The following TMEM260 variants were observed in gnomAD, a reference collection of about 807,000 sequenced individuals.
The protein encoded by TMEM260 is protein O-mannosyl-transferase TMEM260.
A neutral mutation model predicts 88.9 loss-of-function variants in TMEM260; 82 were observed. That is an observed-to-expected ratio of 0.92 (90% CI 0.77 to 1.11). The LOEUF (loss-of-function observed/expected upper bound fraction) is 1.11, where lower values mean the gene tolerates loss of function less well. Ranked by LOEUF, TMEM260 falls within the 50% of genes least tolerant of loss-of-function variation. The pLI is 0.00. For missense variants in TMEM260, 902 were observed against 853.4 expected, an observed-to-expected ratio of 1.06 and a Z score of -0.71; for synonymous variants, 314 against 309.3, an observed-to-expected ratio of 1.02 and a Z score of -0.16.
intron 3 of TMEM260, among the ~76,000 whole-genome samples, chr14:56,587,984 A>G (rs181393061): frequency 6.6e-6 from 1 of 152,144 alleles, no homozygotes; most frequent in African/African-American, 2.4e-5. Context: ...GTGAATATAA[A>G]CCCAACAGCA....
intron 3 of TMEM260, among the ~76,000 whole-genome samples, chr14:56,598,892 A>G (rs10483673): frequency 1.1e-4 from 17 of 152,316 alleles, no homozygotes; most frequent in African/African-American, 3.8e-4. Flanking sequence ...ACAAATACTT[A>G]GTTTTATTGA....
At chr14:56,607,612 GT>G (rs1290382921) in intron 5 of TMEM260, among the ~76,000 whole-genome samples, 20 of 152,098 alleles carry the variant, frequency 1.3e-4, no homozygotes, top group African/African-American at 4.8e-4. Flanking sequence ...GTCCGTGTTT[GT>G]TTGTGTGTAT....
intron 2 of TMEM260, among the ~76,000 whole-genome samples, chr14:56,585,341 G>T (rs1007508691): frequency 6.6e-6 from 1 of 151,990 alleles, no homozygotes; most frequent in Admixed American, 6.6e-5. Flanking sequence ...CTTTATTATG[G>T]TGCATGATCC....
chr14:56,610,856 GTC>G (rs894150239), intron 6 of TMEM260, among the ~76,000 whole-genome samples: 3 of 151,930 alleles, frequency 2.0e-5, no homozygotes, highest in African/African-American at 4.8e-5. Context: ...CTTAAGGAAA[GTC>G]TATAATGGAA....
At chr14:56,599,847 T>A (rs1886461309) in intron 3 of TMEM260, among the ~76,000 whole-genome samples, 1 of 152,212 alleles carries the variant, frequency 6.6e-6, no homozygotes, top group African/African-American at 2.4e-5. Flanking sequence ...AGTTCAAGCA[T>A]CTCAAGTTTT....
intron 14 of TMEM260, 35 bp from the exon 15 acceptor site, chr14:56,636,473 A>ATGATT: frequency 1.9e-6 from 3 of 1,560,112 alleles, no homozygotes; most frequent in Non-Finnish European, 2.7e-6. Context: ...AATTGACTGT[A>ATGATT]TGATTTTAAT....
At chr14:56,603,672 T>C in intron 3 of TMEM260, 143 bp from the exon 4 acceptor site, 2 of 778,310 alleles carry the variant, frequency 2.6e-6, no homozygotes, top group Non-Finnish European at 2.0e-6. Flanking sequence ...GAAATTATTA[T>C]ATGAGTTAAT....
At chr14:56,594,911 A>C (rs975152741) in intron 3 of TMEM260, among the ~76,000 whole-genome samples, 1 of 152,220 alleles carries the variant, frequency 6.6e-6, no homozygotes, top group Non-Finnish European at 1.5e-5. Context: ...TTCCAGGGGA[A>C]AAATTTTTTA....
At chr14:56,633,269 TATTA>T (rs778589257) in intron 13 of TMEM260, 98 bp downstream of exon 13, 82 of 928,348 alleles carry the variant, frequency 8.8e-5, no homozygotes, top group Middle Eastern at 7.1e-4. Context: ...TTTTTTTTTT[TATTA>T]ATTGTTAATA....
intron 14 of TMEM260, 44 bp from the exon 15 acceptor site, chr14:56,636,464 A>G (rs776863895): frequency 6.6e-7 from 1 of 1,506,634 alleles, no homozygotes; most frequent in African/African-American, 1.4e-5. Flanking sequence ...TGAATGTGCA[A>G]TTGACTGTAT....
chr14:56,579,958 C>T lies in TMEM260; in HGVS notation c.44C>T (p.Ala15Val), dbSNP rs946554544. The change falls in exon 1 of 16, where the codon GCA becomes GTA. Residue 15 changes from alanine to valine, a missense_variant. Physicochemically the swap from Ala to Val is moderately conservative, Grantham distance 64. Transcript: ENST00000261556. ...GDGRGQAQGR[A>V]VRVGLRRSGG... ...GGCAGGGGCCAGGCCCAGGGGCGGG[C>T]AGTCCGAGTGGGGCTGCGGCGCTCC... 4.8e-6 allele frequency: 6 copies of T among 1,239,954 alleles called. No homozygotes were observed. The East Asian group carries it at 1.6e-4, about 33-fold the overall frequency. The allele number at this position is 1,239,954 out of a possible 1,614,324, so 76.8% of individuals were successfully genotyped here. A position where few individuals can be genotyped will look rare whatever the true frequency, so the allele number is the denominator to read the frequency against.
intron 3 of TMEM260, among the ~76,000 whole-genome samples, chr14:56,594,090 C>A (rs1886059435): frequency 6.6e-6 from 1 of 152,080 alleles, no homozygotes; most frequent in East Asian, 1.9e-4. Flanking sequence ...TGATTTTTAT[C>A]TTTCTGTAAG....
At chr14:56,649,752 T>G (rs534488547), downstream of TMEM260, among the ~76,000 whole-genome samples, 3 of 152,320 alleles carry the variant, frequency 2.0e-5, no homozygotes, top group East Asian at 3.9e-4. Flanking sequence ...GTCTGTACTA[T>G]AGAGATATGT....
intron 11 of TMEM260, among the ~76,000 whole-genome samples, chr14:56,623,457 C>T (rs1371220294): frequency 6.6e-6 from 1 of 152,166 alleles, no homozygotes; most frequent in African/African-American, 2.4e-5. Context: ...GACCTCCACT[C>T]AGGCCCCACT....
At chr14:56,587,965 C>T (rs964925492) in intron 3 of TMEM260, among the ~76,000 whole-genome samples, 4 of 151,998 alleles carry the variant, frequency 2.6e-5, no homozygotes, top group African/African-American at 9.7e-5. Flanking sequence ...CCTTTAAAAC[C>T]TTTCTTCTGT....
intron 3 of TMEM260, 142 bp from the exon 4 acceptor site, chr14:56,603,673 A>C: frequency 1.3e-6 from 1 of 782,478 alleles, no homozygotes; most frequent in South Asian, 1.8e-5. Context: ...AAATTATTAT[A>C]TGAGTTAATG....
intron 2 of TMEM260, 83 bp downstream of exon 2, chr14:56,585,115 G>A (rs2139497918): frequency 2.3e-6 from 3 of 1,293,764 alleles, no homozygotes; most frequent in East Asian, 2.3e-5. Flanking sequence ...ATGGAGTAAA[G>A]TAGATTAATT....
intron 10 of TMEM260, among the ~76,000 whole-genome samples, chr14:56,619,880 A>G (rs1887809189): frequency 6.6e-6 from 1 of 152,236 alleles, no homozygotes; most frequent in Non-Finnish European, 1.5e-5. Flanking sequence ...AAGACATGGA[A>G]TCAACCTAAA....
intron 5 of TMEM260, among the ~76,000 whole-genome samples, chr14:56,605,907 CTGA>C (rs1435499203): frequency 6.6e-6 from 1 of 152,140 alleles, no homozygotes; most frequent in African/African-American, 2.4e-5. Flanking sequence ...ATGACTGATT[CTGA>C]ATAGCATCTT....
Sources: allele counts gnomAD v4.1 joint callset (sites outside exome capture counted in the v4.1 genomes callset), GRCh38; gene constraint gnomAD v4.1.1; transcripts MANE v1.5; gene names NCBI Gene and HGNC (gene_info 2026-07-23, HGNC 2026-07-21).